Variants in LRP1B observed in about 807,000 individuals in gnomAD.
The protein encoded by LRP1B is low-density lipoprotein receptor-related protein 1B.
LRP1B carries 217 observed loss-of-function variants against 556.6 expected under a neutral mutation model. The ratio of observed to expected loss-of-function variants is 0.39; its 90% confidence interval spans 0.35 to 0.44. The LOEUF is 0.44. Among genes scored for constraint, LRP1B ranks in the 20% least tolerant of loss-of-function variants. The pLI, the probability that LRP1B is intolerant of heterozygous loss-of-function variation, is 1.00. For synonymous variants in LRP1B, 2,047 were observed against 1,865.8 expected, an observed-to-expected ratio of 1.10 and a Z score of -2.50; for missense variants, 5,053 against 5,620.8, an observed-to-expected ratio of 0.90 and a Z score of 3.23.
intron 35 of LRP1B, among the ~76,000 whole-genome samples, chr2:140,766,859 T>TATATTATATATATATA (rs1689136914): frequency 2.0e-5 from 1 of 50,212 alleles, no homozygotes; most frequent in African/African-American, 4.5e-5. Flanking sequence ...TATATATATA[T>TATATTATATATATATA]ATATATAATA....
intron 2 of LRP1B, among the ~76,000 whole-genome samples, chr2:141,513,784 G>C (rs1684211859): frequency 7.2e-5 from 11 of 152,004 alleles, no homozygotes; most frequent in Admixed American, 7.2e-4. Flanking sequence ...GCCTTTCAGG[G>C]AAGGATCTCA....
At chr2:141,847,268 A>G (rs1376955437) in intron 1 of LRP1B, among the ~76,000 whole-genome samples, 1 of 151,594 alleles carries the variant, frequency 6.6e-6, no homozygotes, top group Non-Finnish European at 1.5e-5. Context: ...CAATAACTGC[A>G]TAAGGCCATC....
chr2:141,293,036 T>G (rs572433994), intron 3 of LRP1B, among the ~76,000 whole-genome samples: 4 of 152,210 alleles, frequency 2.6e-5, no homozygotes, highest in Non-Finnish European at 4.4e-5. Context: ...TCCTCCTTTA[T>G]GCTATTCTAA....
chr2:141,314,901 T>C (rs9750170), intron 3 of LRP1B, among the ~76,000 whole-genome samples: 1 of 146,122 alleles, frequency 6.8e-6, no homozygotes, highest in Non-Finnish European at 1.5e-5. Flanking sequence ...TATACATATA[T>C]ATATATATAC....
chr2:140,784,902 CAAATA>C (rs2104971517), intron 32 of LRP1B, among the ~76,000 whole-genome samples: 1 of 151,604 alleles, frequency 6.6e-6, no homozygotes, highest in Non-Finnish European at 1.5e-5. Flanking sequence ...AGTTGTAAAA[CAAATA>C]AAAGAAACAT....
chr2:141,756,784 C>T (rs905821445), intron 2 of LRP1B, among the ~76,000 whole-genome samples: 1 of 152,080 alleles, frequency 6.6e-6, no homozygotes, highest in Admixed American at 6.6e-5. Flanking sequence ...GAGCAATAGG[C>T]TATACCATAT....
At chr2:141,643,408 A>C (rs186694251) in intron 2 of LRP1B, among the ~76,000 whole-genome samples, 6 of 152,216 alleles carry the variant, frequency 3.9e-5, no homozygotes, top group African/African-American at 1.4e-4. Context: ...ATACATATTT[A>C]AGATAATGAA....
intron 47 of LRP1B, among the ~76,000 whole-genome samples, chr2:140,529,782 C>A: frequency 6.6e-6 from 1 of 151,962 alleles, no homozygotes; most frequent in East Asian, 1.9e-4. Flanking sequence ...GGGAAGGAAG[C>A]ATATCATGCA....
In LRP1B at chr2:140,631,512, T is replaced by C. The variant is rs573226243; in HGVS notation, c.6800-29873A>G. Among the ~76,000 whole-genome samples the C allele has an allele frequency of 3.7e-4, 57 of 152,262 alleles. 2 individuals carry two copies. In the South Asian group the frequency reaches 0.012, roughly 32 times the overall value. On this transcript the variant is annotated intron_variant, in intron 41 of 90. Transcript: ENST00000389484. ...GTGGAAATAAAAAACACTGCACAAA[T>C]GAAACTGCTTTAGATGGGTTCATCA...
intron 43 of LRP1B, among the ~76,000 whole-genome samples, chr2:140,555,234 A>C (rs901502007): frequency 2.0e-5 from 3 of 151,782 alleles, no homozygotes; most frequent in African/African-American, 7.3e-5. Context: ...GAAAAAAAAA[A>C]AACAAATATT....
chr2:141,927,903 CAAAAAA>C (rs5834879), intron 1 of LRP1B, among the ~76,000 whole-genome samples: 7 of 111,186 alleles, frequency 6.3e-5, no homozygotes, highest in Non-Finnish European at 1.2e-4. Flanking sequence ...CTTGGCTTTA[CAAAAAA>C]AAAAAAAAAA....
chr2:140,432,712 C>T (rs547262893), intron 66 of LRP1B, among the ~76,000 whole-genome samples: 1 of 152,162 alleles, frequency 6.6e-6, no homozygotes, highest in African/African-American at 2.4e-5. Context: ...TTCCAGCAAC[C>T]CATCATCTAT....
At chr2:141,376,751 A>G (rs1010472250) in intron 3 of LRP1B, among the ~76,000 whole-genome samples, 13 of 152,216 alleles carry the variant, frequency 8.5e-5, no homozygotes, top group Admixed American at 7.2e-4. Flanking sequence ...GAAAGAAATA[A>G]CACATTATTT....
At chr2:141,427,523 AGTTAC>A (rs1430443806) in intron 3 of LRP1B, among the ~76,000 whole-genome samples, 7 of 152,210 alleles carry the variant, frequency 4.6e-5, no homozygotes, top group Admixed American at 2.0e-4. Flanking sequence ...AATCTCTTAT[AGTTAC>A]TGTAATATAG....
chr2:140,389,588 C>T (rs1362726140), intron 66 of LRP1B, among the ~76,000 whole-genome samples: 1 of 150,454 alleles, frequency 6.6e-6, no homozygotes, highest in Non-Finnish European at 1.5e-5. Context: ...GATTTTTATA[C>T]TGAAGACTAT....
chr2:141,135,217 TCTC>T (rs969938284), intron 7 of LRP1B, among the ~76,000 whole-genome samples: 2 of 151,888 alleles, frequency 1.3e-5, no homozygotes, highest in African/African-American at 4.8e-5. Flanking sequence ...ATCAAAACTG[TCTC>T]CTTTTAAAAA....
intron 7 of LRP1B, among the ~76,000 whole-genome samples, chr2:141,141,803 T>C (rs1003007978): frequency 6.6e-6 from 1 of 152,164 alleles, no homozygotes; most frequent in Admixed American, 6.6e-5. Flanking sequence ...GCTTTAGTCT[T>C]CCAATAATGA....
intron 1 of LRP1B, among the ~76,000 whole-genome samples, chr2:142,015,487 A>T (rs1703090568): frequency 6.6e-6 from 1 of 152,196 alleles, no homozygotes; most frequent in Admixed American, 6.5e-5. Flanking sequence ...CTAAAACACC[A>T]AAAGCAATGG....
intron 2 of LRP1B, among the ~76,000 whole-genome samples, chr2:141,663,920 C>CAAAAAAAAAAAA (rs796406816): frequency 3.5e-5 from 4 of 113,318 alleles, no homozygotes; most frequent in South Asian, 2.9e-4. Flanking sequence ...AGAGATACAT[C>CAAAAAAAAAAAA]AAAAAAAAAA....
Sources: gnomAD v4.1 joint callset for allele counts (sites outside exome capture counted in the v4.1 genomes callset) on GRCh38, gnomAD v4.1.1 for gene constraint, MANE v1.5 for transcripts, NCBI Gene and HGNC (gene_info 2026-07-23, HGNC 2026-07-21) for gene names.